SPATA17: variants seen among roughly 807,000 people sequenced by gnomAD.
SPATA17 encodes spermatogenesis-associated protein 17.
In SPATA17, 53 loss-of-function variants were observed where a neutral mutation model predicts 62.2. The ratio of observed to expected loss-of-function variants is 0.85; its 90% CI spans 0.68 to 1.07. SPATA17 has a LOEUF of 1.07. SPATA17 is among the 50% of genes least tolerant of loss of function. SPATA17 has a pLI of 0.00. For synonymous variants in SPATA17, 146 were observed against 146.8 expected, an observed-to-expected ratio of 0.99 and a Z score of 0.04; for missense variants, 466 against 425.5, an observed-to-expected ratio of 1.10 and a Z score of -0.84.
At chr1:217,738,377 A>C (rs147990875) in intron 5 of SPATA17, among the ~76,000 whole-genome samples, 1 of 152,348 alleles carries the variant, frequency 6.6e-6, no homozygotes, top group East Asian at 1.9e-4. Context: ...CAAGGGAATT[A>C]GAGAAAGCAT....
intron 9 of SPATA17, among the ~76,000 whole-genome samples, chr1:217,833,955 T>C (rs1675202782): frequency 6.6e-6 from 1 of 152,194 alleles, no homozygotes; most frequent in Non-Finnish European, 1.5e-5. Flanking sequence ...TACTTAGGTA[T>C]GTAGTGTCAA....
At chr1:217,859,337 A>G (rs752214266) in intron 9 of SPATA17, among the ~76,000 whole-genome samples, 1 of 149,360 alleles carries the variant, frequency 6.7e-6, no homozygotes, top group Non-Finnish European at 1.5e-5. Context: ...CTATATATGT[A>G]ATTTTCTATA....
chr1:217,652,480 T>G (rs1402174838), intron 3 of SPATA17, among the ~76,000 whole-genome samples: 1 of 152,112 alleles, frequency 6.6e-6, no homozygotes, highest in African/African-American at 2.4e-5. Context: ...ATGATCTGCC[T>G]GCCTCGGCCT....
intron 5 of SPATA17, among the ~76,000 whole-genome samples, chr1:217,684,997 C>T (rs930978017): frequency 3.9e-5 from 6 of 152,000 alleles, no homozygotes; most frequent in African/African-American, 1.4e-4. Flanking sequence ...TAGGAAAATT[C>T]AGAAACACGT....
At chr1:217,767,089 G>A (rs540236358) in intron 6 of SPATA17, among the ~76,000 whole-genome samples, 7 of 152,092 alleles carry the variant, frequency 4.6e-5, no homozygotes, top group African/African-American at 1.7e-4. Context: ...TTCTTTATCT[G>A]AGAAAGTCTT....
chr1:217,678,483 C>T (rs966692147), intron 4 of SPATA17, among the ~76,000 whole-genome samples: 11 of 151,924 alleles, frequency 7.2e-5, no homozygotes, highest in Non-Finnish European at 1.5e-4. Context: ...ACAGGGATTA[C>T]AGGCATGAGC....
chr1:217,741,871 A>T, intron 5 of SPATA17, 104 bp from the exon 6 acceptor site: 2 of 1,232,798 alleles, frequency 1.6e-6, no homozygotes, highest in Non-Finnish European at 2.3e-6. Flanking sequence ...ATTTGGATGG[A>T]TATGGATGAT....
At chr1:217,841,499 A>G (rs533546166) in intron 9 of SPATA17, among the ~76,000 whole-genome samples, 1 of 152,102 alleles carries the variant, frequency 6.6e-6, no homozygotes, top group South Asian at 2.1e-4. Flanking sequence ...TTTGGGCACA[A>G]TGTTCTACAT....
chr1:217,698,442 CA>C (rs376250995), intron 5 of SPATA17, among the ~76,000 whole-genome samples: 71 of 143,096 alleles, frequency 5.0e-4, no homozygotes, highest in Middle Eastern at 3.6e-3. Flanking sequence ...CCCCTCCCAC[CA>C]AAAAAAAAAA....
intron 10 of SPATA17, among the ~76,000 whole-genome samples, chr1:217,864,416 A>G (rs1675964222): frequency 6.6e-6 from 1 of 152,126 alleles, no homozygotes; most frequent in East Asian, 1.9e-4. Flanking sequence ...AATGCCTACA[A>G]TATATTTCTA....
intron 5 of SPATA17, among the ~76,000 whole-genome samples, chr1:217,730,319 G>T (rs935987838): frequency 6.6e-6 from 1 of 151,468 alleles, no homozygotes; most frequent in Non-Finnish European, 1.5e-5. Flanking sequence ...CCGGGTTCCA[G>T]CAATTCTCCT....
chr1:217,746,429 T>A (rs1248747862), intron 6 of SPATA17, among the ~76,000 whole-genome samples: 1 of 148,982 alleles, frequency 6.7e-6, no homozygotes, highest in Admixed American at 6.7e-5. Flanking sequence ...ACATTAATTT[T>A]TATTGTTCTA....
chr1:217,769,985 C>T (rs1471033370), intron 6 of SPATA17, among the ~76,000 whole-genome samples: 1 of 152,096 alleles, frequency 6.6e-6, no homozygotes, highest in African/African-American at 2.4e-5. Flanking sequence ...TTTATAAATC[C>T]TCTGGCAGTA....
At chr1:217,704,984 A>T (rs955714822) in intron 5 of SPATA17, among the ~76,000 whole-genome samples, 2 of 152,196 alleles carry the variant, frequency 1.3e-5, no homozygotes, top group African/African-American at 4.8e-5. Flanking sequence ...CACCAAACAG[A>T]TTTCCAAAAA....
At chr1:217,858,563 C>G (rs1675830533) in intron 9 of SPATA17, among the ~76,000 whole-genome samples, 1 of 152,106 alleles carries the variant, frequency 6.6e-6, no homozygotes, top group African/African-American at 2.4e-5. Context: ...GTGAAACCAT[C>G]TTTTCCTTTT....
chr1:217,735,109 C>T (rs1332301675), intron 5 of SPATA17, among the ~76,000 whole-genome samples: 2 of 152,152 alleles, frequency 1.3e-5, no homozygotes, highest in South Asian at 2.1e-4. Flanking sequence ...GCACCAAGTT[C>T]GTACTAGGTA....
rs147385867 is a variant in SPATA17, at chr1:217,855,812, C to T, written c.1006-6962C>T. On this transcript the variant is annotated intron_variant, in intron 9 of 10. Coordinates refer to ENST00000366933, the MANE Select transcript of SPATA17 (RefSeq NM_138796.4). ...CATGATCTCAGCTCACTGCAACCTC[C>T]GTCTCCTGGGTTCAAGCTATTCTCC... 7.0e-3 allele frequency among the ~76,000 whole-genome samples: 1,043 copies of T among 148,014 alleles called. 13 individuals are homozygous for T. The highest frequency in any genetic ancestry group is 0.024 in the African/African-American group (982 of 40,550).
intron 6 of SPATA17, among the ~76,000 whole-genome samples, chr1:217,749,460 TG>T (rs1672846582): frequency 6.6e-6 from 1 of 151,992 alleles, no homozygotes. Flanking sequence ...TTTCTGTGTG[TG>T]TTTTTTTTCT....
At chr1:217,742,559 G>A (rs558240816) in intron 6 of SPATA17, among the ~76,000 whole-genome samples, 3 of 152,244 alleles carry the variant, frequency 2.0e-5, no homozygotes, top group African/African-American at 7.2e-5. Context: ...TAACAAAATT[G>A]CTTCAGGAAT....
Sources: gnomAD v4.1 joint callset for allele counts (sites outside exome capture counted in the v4.1 genomes callset) on GRCh38, gnomAD v4.1.1 for gene constraint, MANE v1.5 for transcripts, NCBI Gene and HGNC (gene_info 2026-07-23, HGNC 2026-07-21) for gene names.